CBFA2T3: variants seen among roughly 807,000 people sequenced by gnomAD.
CBFA2T3 encodes transcriptional corepressor CBFA2T3.
In CBFA2T3, 31 loss-of-function variants were observed where a neutral mutation model predicts 58.6. That is an observed-to-expected ratio of 0.53 (90% CI 0.40 to 0.71). CBFA2T3 has a LOEUF of 0.71. Among genes scored for constraint, CBFA2T3 ranks in the 30% least tolerant of loss-of-function variants. The pLI is 0.00. For synonymous variants in CBFA2T3, 531 were observed against 421.9 expected (o/e 1.26, Z -3.17); for missense variants, 1,076 against 963.1 (o/e 1.12, Z -1.55).
rs762457471 is a variant in CBFA2T3, at chr16:88,901,579, G to T, written c.229C>A (p.Pro77Thr). 5.3e-6 allele frequency: 8 copies of T among 1,504,878 alleles called. No individual in the cohort carries two copies. Among genetic ancestry groups the T allele is most frequent in the Non-Finnish European group, 6.2e-6 (7 of 1,137,356 alleles). The allele number at this position is 1,504,878 out of a possible 1,614,324, so 93.2% of individuals were successfully genotyped here. Residue 77 changes from proline to threonine, a missense_variant, in exon 2 of 12, where the codon CCC becomes ACC. Physicochemically the swap from Pro to Thr is conservative, Grantham distance 38. Transcript: ENST00000268679. ...GGCGGTGGGGGCGGCATGCTGGGGGGTGTGGACCGGGGCTGCGTCTTCACC... is the reference window on the plus strand; with the variant it reads ...GGCGGTGGGGGCGGCATGCTGGGGGTTGTGGACCGGGGCTGCGTCTTCACC... ...AEVKTQPRSTPPSMPPPPPAA... is the reference protein window; with the variant it reads ...AEVKTQPRSTTPSMPPPPPAA...
Position 88,903,689 on chromosome 16 carries a change from C to G in CBFA2T3, c.152-2033G>C, listed in dbSNP as rs1035161142. The stretch of plus-strand genomic sequence containing the variant: ...GGGGGGGCGTTCCTGGGGGGGCATT[C>G]CTGGGGGGGGCGTTCCTGGTGGGGG... On this transcript the variant is annotated intron_variant, in intron 1 of 11. Transcript: ENST00000268679. Among the ~76,000 whole-genome samples, 179 of 42,668 alleles carry G rather than the reference C, an allele frequency of 4.2e-3. 2 individuals carry two copies. Among genetic ancestry groups the G allele is most frequent in the South Asian group, 7.9e-3 (12 of 1,510 alleles). 28.0% of individuals were successfully genotyped at this position (42,668 alleles called of 152,430 possible).
intron 5 of CBFA2T3, among the ~76,000 whole-genome samples, chr16:88,887,750 A>C (rs1046501022): frequency 1.3e-5 from 2 of 152,018 alleles, no homozygotes; most frequent in Non-Finnish European, 2.9e-5. Flanking sequence ...GTCACCACTA[A>C]AATGCTACAC....
chr16:88,880,802 C>G lies in CBFA2T3; in HGVS notation c.1403-14G>C. On this transcript the variant is annotated splice_polypyrimidine_tract_variant and intron_variant, in intron 9 of 11. Transcript: ENST00000268679. Reference sequence around the variant, plus strand: ...CGCGAGGCACGTCTGAAACAGGGGCCGGCGTCACACAGGATGGGCCACGCG... The same window carrying G: ...CGCGAGGCACGTCTGAAACAGGGGCGGGCGTCACACAGGATGGGCCACGCG... 1 of 1,572,894 alleles carries G rather than the reference C, an allele frequency of 6.4e-7. No individual in the cohort carries two copies. Among genetic ancestry groups the G allele is most frequent in the Non-Finnish European group, 8.6e-7 (1 of 1,158,792 alleles).
chr16:88,928,660 CG>C (rs1448893824), intron 1 of CBFA2T3, among the ~76,000 whole-genome samples: 1 of 152,206 alleles, frequency 6.6e-6, no homozygotes, highest in Non-Finnish European at 1.5e-5. Context: ...GTGTACTGAG[CG>C]CCTCGTGTGT....
intron 3 of CBFA2T3, 69 bp from the exon 4 acceptor site, chr16:88,892,554 G>A: frequency 1.9e-6 from 3 of 1,562,726 alleles, no homozygotes; most frequent in East Asian, 2.2e-5. Context: ...GGCGGCGACA[G>A]TGAGGGAAGC....
At chr16:88,917,265 G>A (rs1236181034) in intron 1 of CBFA2T3, among the ~76,000 whole-genome samples, 1 of 152,134 alleles carries the variant, frequency 6.6e-6, no homozygotes, top group Non-Finnish European at 1.5e-5. Context: ...GACACAAGCG[G>A]AGCGGAGAAC....
chr16:88,929,466 G>A (rs535709266), intron 1 of CBFA2T3, among the ~76,000 whole-genome samples: 14 of 152,354 alleles, frequency 9.2e-5, no homozygotes, highest in Non-Finnish European at 1.3e-4. Context: ...GTTACCAGGT[G>A]AGCCAGGGAT....
intron 1 of CBFA2T3, among the ~76,000 whole-genome samples, chr16:88,960,434 G>C (rs898744532): frequency 2.6e-5 from 4 of 152,228 alleles, no homozygotes; most frequent in African/African-American, 7.2e-5. Context: ...CCTCGGGAGT[G>C]TCACATTTGA....
Position 88,885,384 on chromosome 16 carries a change from G to T in CBFA2T3, c.894-115C>A, listed in dbSNP as rs1321569674. 6.0e-6 allele frequency: 4 copies of T among 666,866 alleles called. No homozygotes were observed. The African/African-American group carries it at 7.5e-5, about 13-fold the overall frequency. 41.3% of individuals were successfully genotyped at this position (666,866 alleles called of 1,614,324 possible). A position where few individuals can be genotyped will look rare whatever the true frequency, so the allele number is the denominator to read the frequency against. ...GGCAGAGAGAAAGAGGACACGTAAG[G>T]GCGAGACAGAAACACGGAGCAAAAC... On this transcript the variant is annotated intron_variant, in intron 6 of 11. Coordinates refer to ENST00000268679, the MANE Select transcript of CBFA2T3 (RefSeq NM_005187.6). The surrounding 1 kb of genome is among the most constrained non-coding windows in gnomAD (Gnocchi z 5.3).
intron 1 of CBFA2T3, among the ~76,000 whole-genome samples, chr16:88,908,193 T>G (rs140582873): frequency 0.014 from 2,128 of 152,160 alleles, 50 homozygotes; most frequent in African/African-American, 0.049. Flanking sequence ...AATGCAAAAA[T>G]TAGCCGAGCG....
Position 88,885,723 on chromosome 16 carries a change from C to T in CBFA2T3, c.893+238G>A. 1.8e-6 allele frequency: 1 copy of T among 541,038 alleles called. No homozygotes were observed. Among genetic ancestry groups the T allele is most frequent in the East Asian group, 3.3e-5 (1 of 30,578 alleles). The allele number at this position is 541,038 out of a possible 1,614,324, so 33.5% of individuals were successfully genotyped here. On this transcript the variant is annotated intron_variant, in intron 6 of 11. Coordinates refer to ENST00000268679, the MANE Select transcript of CBFA2T3 (RefSeq NM_005187.6). The surrounding 1 kb of genome is among the most constrained non-coding windows in gnomAD (Gnocchi z 5.3). ...AGGGGAGAGCCGTCCTCCCACCAGC[C>T]TCCTCCCTGTCCTCCTAGGCTCCCC...
intron 1 of CBFA2T3, among the ~76,000 whole-genome samples, chr16:88,906,040 G>T (rs114343497): frequency 6.6e-6 from 1 of 152,020 alleles, no homozygotes. Context: ...CTTCAAAGGG[G>T]ATGGAGATGA....
chr16:88,898,186 A>G, intron 2 of CBFA2T3, 34 bp from the exon 3 acceptor site: 1 of 1,542,488 alleles, frequency 6.5e-7, no homozygotes. Flanking sequence ...CGCTGTCAGG[A>G]GGGGCGTGGG....
intron 1 of CBFA2T3, chr16:88,941,276 GGCCTCCGCGGCCCGCGCCGGGTCCA>G (rs1353076162): frequency 1.6e-6 from 1 of 616,148 alleles, no homozygotes; most frequent in African/African-American, 2.0e-5. Context: ...GGCGGTCTCC[GGCCTCCGCGGCCCGCGCCGGGTCCA>G]GCCGCCGCGC....
Position 88,877,294 on chromosome 16 carries a change from G to T in CBFA2T3, c.1663-19C>A, listed in dbSNP as rs186708679. 2.0e-6 allele frequency: 3 copies of T among 1,531,672 alleles called. No homozygotes were observed. Among genetic ancestry groups the T allele is most frequent in the Non-Finnish European group, 2.6e-6 (3 of 1,137,912 alleles). The allele number at this position is 1,531,672 out of a possible 1,614,324, so 94.9% of individuals were successfully genotyped here. ...AGCAGCTCTGGGTGGGGGCAGAGGG[G>T]CCAGTCAGGGCTGGGTCTGGCCACC... On this transcript the variant is annotated intron_variant, in intron 11 of 11. Coordinates refer to ENST00000268679, the MANE Select transcript of CBFA2T3 (RefSeq NM_005187.6).
At chr16:88,946,831 G>A (rs770032683) in intron 1 of CBFA2T3, among the ~76,000 whole-genome samples, 2 of 151,704 alleles carry the variant, frequency 1.3e-5, no homozygotes, top group East Asian at 1.9e-4. Context: ...TGTCTCCCAG[G>A]CTGGAGTGCA....
At chr16:88,973,470 GC>G (rs1305153904) in intron 1 of CBFA2T3, among the ~76,000 whole-genome samples, 2 of 152,160 alleles carry the variant, frequency 1.3e-5, no homozygotes, top group East Asian at 3.9e-4. Context: ...GTTGTTCTGA[GC>G]CCCCAGCCAG....
At chr16:88,915,705 G>A (rs1333587116) in intron 1 of CBFA2T3, among the ~76,000 whole-genome samples, 2 of 98,482 alleles carry the variant, frequency 2.0e-5, no homozygotes, top group Non-Finnish European at 4.3e-5. Flanking sequence ...GAGCGTGGAC[G>A]GGGGGAGCGT....
intron 1 of CBFA2T3, among the ~76,000 whole-genome samples, chr16:88,908,993 GT>G (rs902510925): frequency 9.2e-4 from 137 of 149,456 alleles, no homozygotes; most frequent in African/African-American, 3.2e-3. Flanking sequence ...CTCTCCGTGG[GT>G]TTGGAATATG....
Sources: allele counts gnomAD v4.1 joint callset (sites outside exome capture counted in the v4.1 genomes callset), GRCh38; gene constraint gnomAD v4.1.1; non-coding constraint Gnocchi (gnomAD v3.1); transcripts MANE v1.5; gene names NCBI Gene and HGNC (gene_info 2026-07-23, HGNC 2026-07-21).